CABP7: variants seen among roughly 807,000 people sequenced by gnomAD.
The protein encoded by CABP7 is calcium-binding protein 7.
Under a neutral mutation model 23.1 loss-of-function variants are expected in CABP7, and 13 were observed. The ratio of observed to expected loss-of-function variants is 0.56; its 90% CI spans 0.37 to 0.90. The LOEUF is 0.90. Among genes scored for constraint, CABP7 ranks in the 40% least tolerant of loss-of-function variants. CABP7 has a pLI of 0.01. For synonymous variants in CABP7, 123 were observed against 115.3 expected, an observed-to-expected ratio of 1.07 and a Z score of -0.43; for missense variants, 248 against 295.6, an observed-to-expected ratio of 0.84 and a Z score of 1.18.
intron 1 of CABP7, among the ~76,000 whole-genome samples, chr22:29,723,196 C>T (rs1361379549): frequency 6.6e-6 from 1 of 152,110 alleles, no homozygotes; most frequent in Non-Finnish European, 1.5e-5. Context: ...GGAGGCTGAG[C>T]CAGAAGGGCA....
rs1381344144 is a variant in CABP7, at chr22:29,730,831, G to A, written c.*1262G>A. ...GTGCTGAACCTCTGCTGGTCCCAAG[G>A]GAGAAGGGAGTGAGCGTGGGTCACC... is the stretch of plus-strand genomic sequence containing the variant. On this transcript the variant is annotated 3_prime_UTR_variant, in exon 5 of 5. Transcript: ENST00000216144. 2 of 156,512 alleles carry A rather than the reference G, an allele frequency of 1.3e-5. No individual in the cohort carries two copies. The highest frequency in any genetic ancestry group is 4.8e-5 in the African/African-American group (2 of 41,614). The allele number at this position is 156,512 out of a possible 1,614,324, so 9.7% of individuals were successfully genotyped here. A position where few individuals can be genotyped will look rare whatever the true frequency, so the allele number is the denominator to read the frequency against.
rs942945595 is a variant in CABP7 at position 29,731,382 on chromosome 22, A to G, written c.*1813A>G. ...AGAGAGAGAGAGAGAAGCGGGGAGA[A>G]TAAGAGTGCACTACAGCCCAGGCTT... is the stretch of plus-strand genomic sequence containing the variant. On this transcript the variant is annotated 3_prime_UTR_variant, in exon 5 of 5. Transcript: ENST00000216144. 7 of 1,539,080 alleles carry G rather than the reference A, an allele frequency of 4.5e-6. No individual in the cohort carries two copies. Among genetic ancestry groups the G allele is most frequent in the African/African-American group, 1.4e-5 (1 of 69,792 alleles).
In CABP7 at chr22:29,731,017, A is replaced by AG. The variant is rs1204578854; in HGVS notation, c.*1454dup. 3 of 450,434 alleles carry AG rather than the reference A, an allele frequency of 6.7e-6. No individual in the cohort carries two copies. The highest frequency in any genetic ancestry group is 2.0e-5 in the African/African-American group (1 of 49,486). The allele number at this position is 450,434 out of a possible 1,614,324, so 27.9% of individuals were successfully genotyped here. On this transcript the variant is annotated 3_prime_UTR_variant, in exon 5 of 5. Coordinates refer to ENST00000216144, the MANE Select transcript of CABP7 (RefSeq NM_182527.3). ...TTTCTCCCCCATCTTCTTAAGAAGC[A>AG]GGGGGGCAGGTGGAGGAGAGTGAGG... is the stretch of plus-strand genomic sequence containing the variant.
In CABP7 at chr22:29,720,157, G is replaced by C. The variant is rs1279872044; in HGVS notation, c.-268G>C. 6.8e-6 allele frequency: 1 copy of C among 146,844 alleles called. No homozygotes were observed. Among genetic ancestry groups the C allele is most frequent in the Admixed American group, 6.8e-5 (1 of 14,806 alleles). 9.1% of individuals were successfully genotyped at this position (146,844 alleles called of 1,614,324 possible). On this transcript the variant is annotated 5_prime_UTR_variant, in exon 1 of 5. Transcript: ENST00000216144. The surrounding 1 kb of genome is among the most constrained non-coding windows in gnomAD (Gnocchi z 5.2). ...CGGCGGGCACCGCGCGAGGCAGCCGGAGCTCTCGGAAAGGCCAGAGCGGCG... is the reference window on the plus strand; with the variant it reads ...CGGCGGGCACCGCGCGAGGCAGCCGCAGCTCTCGGAAAGGCCAGAGCGGCG...
intron 1 of CABP7, among the ~76,000 whole-genome samples, chr22:29,724,373 C>T (rs1249167731): frequency 6.6e-6 from 1 of 152,272 alleles, no homozygotes; most frequent in East Asian, 1.9e-4. Flanking sequence ...ACTCAGTCCT[C>T]CCTCTTCTTC....
In CABP7 at chr22:29,727,614, C is replaced by A; in HGVS notation, c.110-48C>A. 6.2e-7 allele frequency: 1 copy of A among 1,609,800 alleles called. No homozygotes were observed. The highest frequency in any genetic ancestry group is 2.2e-5 in the East Asian group (1 of 44,770). Reference sequence around the variant, plus strand: ...GATCCTGGGGGTCTGGAAAGGGGGTCTGTTGGGGACCGGGGTGAAGTCCCA... The same window carrying A: ...GATCCTGGGGGTCTGGAAAGGGGGTATGTTGGGGACCGGGGTGAAGTCCCA... On this transcript the variant is annotated intron_variant, in intron 1 of 4. Coordinates refer to ENST00000216144, the MANE Select transcript of CABP7 (RefSeq NM_182527.3). The surrounding 1 kb of genome is among the most constrained non-coding windows in gnomAD (Gnocchi z 4.2).
chr22:29,731,485 A>G lies in CABP7; in HGVS notation c.*1916A>G. Reference sequence around the variant, plus strand: ...TGCCTGCATGACTTTTCTGGAAGGCAGAGCCTCGAAAATAGGCAGACCGTT... The same window carrying G: ...TGCCTGCATGACTTTTCTGGAAGGCGGAGCCTCGAAAATAGGCAGACCGTT... On this transcript the variant is annotated 3_prime_UTR_variant, in exon 5 of 5. Transcript: ENST00000216144. 1 of 1,283,568 alleles carries G rather than the reference A, an allele frequency of 7.8e-7. No individual in the cohort carries two copies. Among genetic ancestry groups the G allele is most frequent in the Non-Finnish European group, 1.0e-6 (1 of 969,310 alleles). The allele number at this position is 1,283,568 out of a possible 1,614,324, so 79.5% of individuals were successfully genotyped here. A position where few individuals can be genotyped will look rare whatever the true frequency, so the allele number is the denominator to read the frequency against.
Position 29,727,192 on chromosome 22 carries a change from G to A in CABP7, c.110-470G>A, listed in dbSNP as rs2067801374. On this transcript the variant is annotated intron_variant, in intron 1 of 4. Coordinates refer to ENST00000216144, the MANE Select transcript of CABP7 (RefSeq NM_182527.3). The surrounding 1 kb of genome is among the most constrained non-coding windows in gnomAD (Gnocchi z 4.2). ...AAGCTGCCTCACGTGGCTGCCATTA[G>A]CAAGTGTTGGCCGGTGTTAAGGATC... 6.8e-6 allele frequency among the ~76,000 whole-genome samples: 1 copy of A among 147,908 alleles called. No homozygotes were observed.
chr22:29,731,614 T>G lies in CABP7; in HGVS notation c.*2045T>G, dbSNP rs942089861. Reference sequence around the variant, plus strand: ...TGGGAATAACCTTCGTGTCCACCTGTGGGGGACTGATTCAATACATATGCA... The same window carrying G: ...TGGGAATAACCTTCGTGTCCACCTGGGGGGGACTGATTCAATACATATGCA... On this transcript the variant is annotated 3_prime_UTR_variant, in exon 5 of 5. Coordinates refer to ENST00000216144, the MANE Select transcript of CABP7 (RefSeq NM_182527.3). The G allele has an allele frequency of 2.9e-5, 13 of 444,304 alleles. No individual in the cohort carries two copies. Among genetic ancestry groups the G allele is most frequent in the Non-Finnish European group, 4.3e-5 (11 of 253,336 alleles). 27.5% of individuals were successfully genotyped at this position (444,304 alleles called of 1,614,324 possible).
At position 29,727,263 on chromosome 22, in the gene CABP7, TG is replaced by T. The variant is rs1322287394; in HGVS notation, c.110-394del. On this transcript the variant is annotated intron_variant, in intron 1 of 4. Coordinates refer to ENST00000216144, the MANE Select transcript of CABP7 (RefSeq NM_182527.3). The surrounding 1 kb of genome is among the most constrained non-coding windows in gnomAD (Gnocchi z 4.2). ...AGGAGGCGCAGCGGGATGGAGATGG[TG>T]GGGGAGAGGGGGATGAAAGGAATGG... Among the ~76,000 whole-genome samples the T allele has an allele frequency of 5.1e-5, 1 of 19,570 alleles. No individual in the cohort carries two copies. The highest frequency in any genetic ancestry group is 2.1e-4 in the African/African-American group (1 of 4,800). The allele number at this position is 19,570 out of a possible 152,430, so 12.8% of individuals were successfully genotyped here. A position where few individuals can be genotyped will look rare whatever the true frequency, so the allele number is the denominator to read the frequency against.
intron 1 of CABP7, among the ~76,000 whole-genome samples, chr22:29,723,253 AG>A (rs1226014991): frequency 6.6e-6 from 1 of 152,064 alleles, no homozygotes; most frequent in Non-Finnish European, 1.5e-5. Flanking sequence ...GGTCTGGAAA[AG>A]GTCTCTGGGG....
intron 1 of CABP7, among the ~76,000 whole-genome samples, chr22:29,721,545 C>T (rs928837365): frequency 6.6e-6 from 1 of 152,094 alleles, no homozygotes; most frequent in Non-Finnish European, 1.5e-5. Context: ...TACCTTGGAT[C>T]CAGGGGTCTC....
chr22:29,722,346 G>A (rs369331083), intron 1 of CABP7, among the ~76,000 whole-genome samples: 6 of 152,222 alleles, frequency 3.9e-5, no homozygotes, highest in South Asian at 2.1e-4. Context: ...ACGACATGGC[G>A]TGCTGGCAGG....
At position 29,731,574 on chromosome 22, in the gene CABP7, T is replaced by C; in HGVS notation, c.*2005T>C. 1.9e-6 allele frequency: 1 copy of C among 519,784 alleles called. No individual in the cohort carries two copies. 32.2% of individuals were successfully genotyped at this position (519,784 alleles called of 1,614,324 possible). A position where few individuals can be genotyped will look rare whatever the true frequency, so the allele number is the denominator to read the frequency against. On this transcript the variant is annotated 3_prime_UTR_variant, in exon 5 of 5. Transcript: ENST00000216144. ...AAATAGCGGGGTTGCAGGCAGACATTGAGCTGCGAGACAATGGGAATAACC... is the reference window on the plus strand; with the variant it reads ...AAATAGCGGGGTTGCAGGCAGACATCGAGCTGCGAGACAATGGGAATAACC...
chr22:29,728,837 T>C (rs2067814832), intron 3 of CABP7, 95 bp downstream of exon 3: 4 of 1,070,462 alleles, frequency 3.7e-6, no homozygotes, highest in Middle Eastern at 2.0e-4. Context: ...AAAGGGGGGA[T>C]GACCACTTCA....
At position 29,725,760 on chromosome 22, in the gene CABP7, G is replaced by A. The variant is rs544474326; in HGVS notation, c.110-1902G>A. The stretch of plus-strand genomic sequence containing the variant: ...GCGTGTTCAAAGGACTGGAGATGGA[G>A]CAGTCCTGGTACCCACAGGACCGAG... On this transcript the variant is annotated intron_variant, in intron 1 of 4. Coordinates refer to ENST00000216144, the MANE Select transcript of CABP7 (RefSeq NM_182527.3). Among the ~76,000 whole-genome samples, 3 of 148,312 alleles carry A rather than the reference G, an allele frequency of 2.0e-5. No homozygotes were observed. In the East Asian group the frequency reaches 5.9e-4, roughly 29 times the overall value.
In CABP7 at chr22:29,728,731, G is replaced by T; in HGVS notation, c.355G>T (p.Val119Phe). The T allele has an allele frequency of 6.2e-7, 1 of 1,610,258 alleles. No individual in the cohort carries two copies. Among genetic ancestry groups the T allele is most frequent in the Non-Finnish European group, 8.5e-7 (1 of 1,176,810 alleles). The change falls in exon 3 of 5, where the codon GTC becomes TTC. Residue 119 changes from valine to phenylalanine, a missense_variant. By Grantham distance (50) the Val-to-Phe change is conservative. Coordinates refer to ENST00000216144, the MANE Select transcript of CABP7 (RefSeq NM_182527.3). Reference protein sequence around the residue: ...EKFHGTDFDTVFWKCDMQKLT... With the variant: ...EKFHGTDFDTFFWKCDMQKLT... ...GTTCCATGGCACCGACTTTGATACT[G>T]TCTTCTGGAAGGTATCCCCTGGCTA...
chr22:29,727,246 C>T lies in CABP7; in HGVS notation c.110-416C>T, dbSNP rs1286170500. ...GGATCCGAGCCTGGGGGAGGAGGCG[C>T]AGCGGGATGGAGATGGTGGGGGAGA... On this transcript the variant is annotated intron_variant, in intron 1 of 4. Coordinates refer to ENST00000216144, the MANE Select transcript of CABP7 (RefSeq NM_182527.3). The surrounding 1 kb of genome is among the most constrained non-coding windows in gnomAD (Gnocchi z 4.2). 7.3e-6 allele frequency among the ~76,000 whole-genome samples: 1 copy of T among 136,636 alleles called. No homozygotes were observed. The highest frequency in any genetic ancestry group is 2.1e-4 in the East Asian group (1 of 4,784). The allele number at this position is 136,636 out of a possible 152,430, so 89.6% of individuals were successfully genotyped here. A position where few individuals can be genotyped will look rare whatever the true frequency, so the allele number is the denominator to read the frequency against.
rs1040686995 is a variant in CABP7 at position 29,720,854 on chromosome 22, G to A, written c.109+321G>A. 6.6e-5 allele frequency among the ~76,000 whole-genome samples: 10 copies of A among 151,538 alleles called. No individual in the cohort carries two copies. The highest frequency in any genetic ancestry group is 2.4e-4 in the African/African-American group (10 of 41,304). On this transcript the variant is annotated intron_variant, in intron 1 of 4. Coordinates refer to ENST00000216144, the MANE Select transcript of CABP7 (RefSeq NM_182527.3). The surrounding 1 kb of genome is among the most constrained non-coding windows in gnomAD (Gnocchi z 5.2). ...GTGCGGCAACGCGGCGGACTGGGGCGGGGGTCCGCGCTGAGCCCCCAGCGC... is the reference window on the plus strand; with the variant it reads ...GTGCGGCAACGCGGCGGACTGGGGCAGGGGTCCGCGCTGAGCCCCCAGCGC...
Sources: allele counts gnomAD v4.1 joint callset (sites outside exome capture counted in the v4.1 genomes callset), GRCh38; gene constraint gnomAD v4.1.1; non-coding constraint Gnocchi (gnomAD v3.1); transcripts MANE v1.5; gene names NCBI Gene and HGNC (gene_info 2026-07-23, HGNC 2026-07-21).